MGST1: variants seen among roughly 807,000 people sequenced by gnomAD.
MGST1 encodes the protein glutathione S-transferase 12.
MGST1 carries 5 observed loss-of-function variants against 8.9 expected under a neutral mutation model. That is an observed-to-expected ratio of 0.56 (90% confidence interval 0.29 to 1.19). The LOEUF is 1.19. MGST1 is among the 50% of genes most tolerant of loss of function. MGST1 has a pLI of 0.08. For missense variants in MGST1, 182 were observed against 187.4 expected (o/e 0.97, Z 0.17); for synonymous variants, 54 against 67.8 (o/e 0.80, Z 1.00).
intron 4 of MGST1, among the ~76,000 whole-genome samples, chr12:16,580,966 C>T (rs1480040164): frequency 6.6e-6 from 1 of 152,082 alleles, no homozygotes; most frequent in Non-Finnish European, 1.5e-5. Flanking sequence ...TTCAGTCATC[C>T]CTCAAGTTTA....
Position 16,586,396 on chromosome 12 carries a change from C to T in MGST1, n.483-3132C>T, listed in dbSNP as rs755702947. Among the ~76,000 whole-genome samples the T allele has an allele frequency of 7.9e-5, 12 of 152,138 alleles. No individual in the cohort carries two copies. The highest frequency in any genetic ancestry group is 1.5e-4 in the Non-Finnish European group (10 of 68,014). ...GCTGTGGCAAGGAGAGCGGAGGATC[C>T]TAATCTTCCCCAGCAAGGCTTTCTG... On this transcript the variant is annotated intron_variant and non_coding_transcript_variant, in intron 4 of 4. Transcript: ENST00000538857. This position sits in a 1 kb window ranked among gnomAD's most constrained non-coding sequence, Gnocchi z 4.3.
At chr12:16,507,437 A>C (rs767271737) in intron 4 of MGST1, among the ~76,000 whole-genome samples, 18 of 152,170 alleles carry the variant, frequency 1.2e-4, no homozygotes, top group Non-Finnish European at 1.9e-4. Flanking sequence ...AGAGGAAAAA[A>C]ATGCCAGTTT....
At chr12:16,564,138 T>A (rs1236488725) in intron 4 of MGST1, among the ~76,000 whole-genome samples, 1 of 152,166 alleles carries the variant, frequency 6.6e-6, no homozygotes, top group Non-Finnish European at 1.5e-5. Flanking sequence ...TTTCACTACC[T>A]CATTTTGTCT....
rs1941519360 is a variant in MGST1, at chr12:16,503,622, C to T, written n.483-85906C>T. On this transcript the variant is annotated intron_variant and non_coding_transcript_variant, in intron 4 of 4. Coordinates refer to the MGST1 transcript ENST00000538857. This position sits in a 1 kb window ranked among gnomAD's most constrained non-coding sequence, Gnocchi z 4.8. ...GCAGGACTTAATTCTGGAGGTAGGG[C>T]TTGAACCCCAGACCGAAAGGAGGGC... 6.6e-6 allele frequency among the ~76,000 whole-genome samples: 1 copy of T among 152,114 alleles called. No individual in the cohort carries two copies. Among genetic ancestry groups the T allele is most frequent in the South Asian group, 2.1e-4 (1 of 4,826 alleles).
Position 16,513,085 on chromosome 12 carries a change from T to C in MGST1, n.483-76443T>C, listed in dbSNP as rs964525769. The stretch of plus-strand genomic sequence containing the variant: ...TTCTGCATATCTGCTTCTCTAGTTA[T>C]CATTATCAAACAAATCATTCTTTCA... On this transcript the variant is annotated intron_variant and non_coding_transcript_variant, in intron 4 of 4. Transcript: ENST00000538857. The surrounding 1 kb of genome is among the most constrained non-coding windows in gnomAD (Gnocchi z 4.2). Among the ~76,000 whole-genome samples, 1 of 152,232 alleles carries C rather than the reference T, an allele frequency of 6.6e-6. No homozygotes were observed. The highest frequency in any genetic ancestry group is 2.4e-5 in the African/African-American group (1 of 41,456).
At chr12:16,469,690 G>C (rs1468457409) in intron 4 of MGST1, among the ~76,000 whole-genome samples, 1 of 152,222 alleles carries the variant, frequency 6.6e-6, no homozygotes, top group Non-Finnish European at 1.5e-5. Flanking sequence ...GGTCTTCACT[G>C]TAAGAGAAGC....
At chr12:16,531,873 A>T (rs946513775) in intron 4 of MGST1, among the ~76,000 whole-genome samples, 2 of 152,156 alleles carry the variant, frequency 1.3e-5, no homozygotes, top group African/African-American at 2.4e-5. Context: ...GCAAGTATTA[A>T]CAGGTGCAGG....
chr12:16,423,525 C>G (rs1207416464), intron 1 of MGST1, among the ~76,000 whole-genome samples: 1 of 136,930 alleles, frequency 7.3e-6, no homozygotes, highest in Non-Finnish European at 1.6e-5. Flanking sequence ...AAACAATTCT[C>G]TGATATTTTG....
chr12:16,422,215 A>T (rs1273933528), intron 1 of MGST1, among the ~76,000 whole-genome samples: 1 of 152,146 alleles, frequency 6.6e-6, no homozygotes, highest in Non-Finnish European at 1.5e-5. Context: ...CAGCCCTCTG[A>T]TCAACCAGCC....
chr12:16,374,405 C>G (rs995201145), intron 3 of MGST1, among the ~76,000 whole-genome samples: 1 of 151,954 alleles, frequency 6.6e-6, no homozygotes, highest in African/African-American at 2.4e-5. Context: ...TATTATTCCA[C>G]CAGGAGCATC....
At position 16,413,800 on chromosome 12, in the gene MGST1, A is replaced by G. The variant is rs1187827673; in HGVS notation, n.779-23588A>G. 1.3e-5 allele frequency among the ~76,000 whole-genome samples: 2 copies of G among 152,178 alleles called. No homozygotes were observed. Among genetic ancestry groups the G allele is most frequent in the Non-Finnish European group, 2.9e-5 (2 of 68,036 alleles). On this transcript the variant is annotated intron_variant and non_coding_transcript_variant, in intron 1 of 1. Transcript: ENST00000359720. This position sits in a 1 kb window ranked among gnomAD's most constrained non-coding sequence, Gnocchi z 4.0. ...TCTAGACTATGCAATTAATAGTGTTATTTAATCTTGGCATCTCCAGCATAT... is the reference window on the plus strand; with the variant it reads ...TCTAGACTATGCAATTAATAGTGTTGTTTAATCTTGGCATCTCCAGCATAT...
intron 4 of MGST1, among the ~76,000 whole-genome samples, chr12:16,523,916 G>A (rs868018071): frequency 6.6e-6 from 1 of 152,026 alleles, no homozygotes; most frequent in Non-Finnish European, 1.5e-5. Flanking sequence ...TTAGTTTGAT[G>A]CAATTTAATT....
intron 3 of MGST1, among the ~76,000 whole-genome samples, chr12:16,372,918 ATATTT>A (rs1456677654): frequency 1.4e-5 from 2 of 142,730 alleles, no homozygotes; most frequent in Non-Finnish European, 3.1e-5. Context: ...CATATTTTAT[ATATTT>A]TATATTGTAT....
chr12:16,535,315 C>G (rs1436362541), intron 4 of MGST1, among the ~76,000 whole-genome samples: 1 of 152,142 alleles, frequency 6.6e-6, no homozygotes, highest in Non-Finnish European at 1.5e-5. Flanking sequence ...TAGCTGTGGG[C>G]TCAATGTATA....
chr12:16,447,706 C>T (rs545620128), intron 4 of MGST1, among the ~76,000 whole-genome samples: 311 of 152,060 alleles, frequency 2.0e-3, no homozygotes, highest in Non-Finnish European at 3.4e-3. Context: ...TGGAGGCTCT[C>T]CTGGCACTTG....
chr12:16,554,586 T>C (rs1942116189), intron 4 of MGST1, among the ~76,000 whole-genome samples: 1 of 152,218 alleles, frequency 6.6e-6, no homozygotes, highest in Admixed American at 6.5e-5. Context: ...GTGTATCAAA[T>C]GACACTACCC....
chr12:16,586,365 T>C lies in MGST1; in HGVS notation n.483-3163T>C, dbSNP rs985659648. Among the ~76,000 whole-genome samples the C allele has an allele frequency of 6.6e-6, 1 of 152,170 alleles. No homozygotes were observed. The highest frequency in any genetic ancestry group is 1.5e-5 in the Non-Finnish European group (1 of 68,040). Reference sequence around the variant, plus strand: ...AACACGTGCATGAATGGAGAACCACTGCATGGCTGTGGCAAGGAGAGCGGA... The same window carrying C: ...AACACGTGCATGAATGGAGAACCACCGCATGGCTGTGGCAAGGAGAGCGGA... On this transcript the variant is annotated intron_variant and non_coding_transcript_variant, in intron 4 of 4. Transcript: ENST00000538857. The surrounding 1 kb of genome is among the most constrained non-coding windows in gnomAD (Gnocchi z 4.3).
rs1184576431 is a variant in MGST1, at chr12:16,503,344, A to AT, written n.483-86178dup. Reference sequence around the variant, plus strand: ...TAGCTTGGCTTCACTCATAAATGTTATTTTTTCCTTTCTTTTATGTTTTAT... The same window carrying AT: ...TAGCTTGGCTTCACTCATAAATGTTATTTTTTTCCTTTCTTTTATGTTTTAT... On this transcript the variant is annotated intron_variant and non_coding_transcript_variant, in intron 4 of 4. Transcript: ENST00000538857. This position sits in a 1 kb window ranked among gnomAD's most constrained non-coding sequence, Gnocchi z 4.8. Among the ~76,000 whole-genome samples the AT allele has an allele frequency of 6.6e-6, 1 of 151,762 alleles. No individual in the cohort carries two copies. Among genetic ancestry groups the AT allele is most frequent in the African/African-American group, 2.4e-5 (1 of 41,322 alleles).
chr12:16,460,893 A>G (rs919131837), intron 4 of MGST1, among the ~76,000 whole-genome samples: 6 of 152,094 alleles, frequency 3.9e-5, no homozygotes, highest in African/African-American at 1.4e-4. Flanking sequence ...CTGTTAAAGG[A>G]GATACTATAA....
Sources: gnomAD v4.1 joint callset for allele counts (sites outside exome capture counted in the v4.1 genomes callset) on GRCh38, gnomAD v4.1.1 for gene constraint, Gnocchi (gnomAD v3.1) non-coding constraint, MANE v1.5 for transcripts, NCBI Gene and HGNC (gene_info 2026-07-23, HGNC 2026-07-21) for gene names.